Variants in KAZN observed in about 807,000 individuals in gnomAD.
KAZN encodes the protein kazrin.
A neutral mutation model predicts 87.4 loss-of-function variants in KAZN; 40 were observed. The observed-to-expected ratio is 0.46, with a 90% CI of 0.36 to 0.60. KAZN has a LOEUF of 0.60. KAZN is among the 20% of genes least tolerant of loss of function. The pLI, the probability that KAZN is intolerant of heterozygous loss-of-function variation, is 0.00. For synonymous variants in KAZN, 466 were observed against 458.3 expected (o/e 1.02, Z -0.22); for missense variants, 898 against 1,073.9 (o/e 0.84, Z 2.29).
At chr1:13,894,539 GTTAA>G (rs904620113) in intron 1 of KAZN, among the ~76,000 whole-genome samples, 2 of 152,144 alleles carry the variant, frequency 1.3e-5, no homozygotes, top group Non-Finnish European at 2.9e-5. Context: ...CTTTTTTGGC[GTTAA>G]TTCTCACTGG....
chr1:14,266,736 G>A (rs1313176187), intron 2 of KAZN, among the ~76,000 whole-genome samples: 4 of 152,184 alleles, frequency 2.6e-5, no homozygotes, highest in Non-Finnish European at 4.4e-5. Flanking sequence ...ACACTGGGAC[G>A]TAGACATGCC....
intron 1 of KAZN, among the ~76,000 whole-genome samples, chr1:14,944,855 A>G (rs1661551192): frequency 6.6e-6 from 1 of 152,194 alleles, no homozygotes; most frequent in South Asian, 2.1e-4. Flanking sequence ...CCTTCTGCGG[A>G]TGGCGGCACC....
chr1:14,906,572 T>G (rs1176454120), intron 1 of KAZN, among the ~76,000 whole-genome samples: 2 of 151,978 alleles, frequency 1.3e-5, no homozygotes, highest in Non-Finnish European at 2.9e-5. Context: ...AAAGAAAATG[T>G]GTAAAAGGGG....
intron 1 of KAZN, among the ~76,000 whole-genome samples, chr1:14,156,090 T>G (rs1249293536): frequency 6.6e-6 from 1 of 152,236 alleles, no homozygotes; most frequent in Non-Finnish European, 1.5e-5. Flanking sequence ...ATTTCTTCAT[T>G]GACACATTGG....
chr1:14,579,378 C>T (rs1030676633), intron 2 of KAZN, among the ~76,000 whole-genome samples: 2 of 152,140 alleles, frequency 1.3e-5, no homozygotes, highest in African/African-American at 2.4e-5. Context: ...GTAATCCCAG[C>T]ACTTTGGGAG....
chr1:14,478,359 C>G (rs1460674140), intron 2 of KAZN, among the ~76,000 whole-genome samples: 1 of 151,610 alleles, frequency 6.6e-6, no homozygotes, highest in Non-Finnish European at 1.5e-5. Flanking sequence ...AGTGAATACA[C>G]AGATGGAAGA....
rs147015100 is a variant in KAZN, at chr1:14,316,659, G to A, written c.249+136067G>A. Among the ~76,000 whole-genome samples, 459 of 151,730 alleles carry A rather than the reference G, an allele frequency of 3.0e-3. 20 individuals are homozygous for A. The East Asian group carries it at 0.071, about 23-fold the overall frequency. On this transcript the variant is annotated intron_variant, in intron 2 of 16. Transcript: ENST00000636203. ...CTTAGTCATTGATTTTAAGCTATTCGTTTTTCTTTTTATAGCATTTTTATA... is the reference window on the plus strand; with the variant it reads ...CTTAGTCATTGATTTTAAGCTATTCATTTTTCTTTTTATAGCATTTTTATA...
chr1:14,464,127 G>A lies in KAZN; in HGVS notation c.250-134856G>A, dbSNP rs182005385. On this transcript the variant is annotated intron_variant, in intron 2 of 16. Transcript: ENST00000636203. ...GGGATCTTTCAGAACATTAATCCAC[G>A]GTGGAACTTCGTGCAACACATGCTC... 4.6e-5 allele frequency among the ~76,000 whole-genome samples: 7 copies of A among 152,288 alleles called. 1 individual carries two copies. Among genetic ancestry groups the A allele is most frequent in the South Asian group, 2.1e-4 (1 of 4,822 alleles).
At chr1:14,250,528 A>G (rs1289701430) in intron 2 of KAZN, among the ~76,000 whole-genome samples, 2 of 152,128 alleles carry the variant, frequency 1.3e-5, no homozygotes, top group Non-Finnish European at 2.9e-5. Flanking sequence ...AAGGAAGGAA[A>G]AAGACAACTA....
chr1:14,595,354 G>A (rs143272068), upstream of KAZN, among the ~76,000 whole-genome samples: 724 of 152,138 alleles, frequency 4.8e-3, 11 homozygotes, highest in African/African-American at 0.016. Flanking sequence ...GGTCACCTCC[G>A]GAGGAGCGGT....
chr1:14,235,431 C>A (rs1434969406), intron 2 of KAZN, among the ~76,000 whole-genome samples: 1 of 152,080 alleles, frequency 6.6e-6, no homozygotes, highest in Non-Finnish European at 1.5e-5. Context: ...AGTCAGAAAG[C>A]AGATTAGTGG....
chr1:14,004,592 T>C (rs963435020), intron 1 of KAZN, among the ~76,000 whole-genome samples: 1 of 152,200 alleles, frequency 6.6e-6, no homozygotes, highest in Non-Finnish European at 1.5e-5. Context: ...GAGAATTTCC[T>C]AGGGAGTACT....
chr1:14,050,020 C>T (rs1642242213), intron 1 of KAZN, among the ~76,000 whole-genome samples: 1 of 152,134 alleles, frequency 6.6e-6, no homozygotes, highest in African/African-American at 2.4e-5. Context: ...CAACTGTGTG[C>T]ATGTGGGCAT....
At chr1:14,656,629 A>G (rs1638809521) in intron 1 of KAZN, among the ~76,000 whole-genome samples, 1 of 152,226 alleles carries the variant, frequency 6.6e-6, no homozygotes, top group Non-Finnish European at 1.5e-5. Context: ...CAGGAAACTT[A>G]CAGTCATGGC....
chr1:14,717,804 G>C (rs776675488), intron 1 of KAZN, among the ~76,000 whole-genome samples: 8 of 152,202 alleles, frequency 5.3e-5, no homozygotes, highest in Non-Finnish European at 8.8e-5. Context: ...GGACCTCACA[G>C]CTGGGCTTGG....
intron 1 of KAZN, among the ~76,000 whole-genome samples, chr1:14,791,970 G>T (rs575146744): frequency 6.6e-6 from 1 of 152,330 alleles, no homozygotes; most frequent in African/African-American, 2.4e-5. Flanking sequence ...GGTCAATGCT[G>T]CGGGGACTTC....
chr1:14,375,167 G>A (rs889600997), intron 2 of KAZN, among the ~76,000 whole-genome samples: 5 of 152,120 alleles, frequency 3.3e-5, no homozygotes, highest in African/African-American at 1.2e-4. Flanking sequence ...AAATAATAAT[G>A]AAAAAATTGT....
chr1:14,718,109 T>G (rs1316845007), intron 1 of KAZN, among the ~76,000 whole-genome samples: 1 of 152,188 alleles, frequency 6.6e-6, no homozygotes, highest in African/African-American at 2.4e-5. Context: ...AGAAGCAAAT[T>G]ACCCCCAGGG....
intron 2 of KAZN, among the ~76,000 whole-genome samples, chr1:14,439,321 A>G (rs1408178875): frequency 6.6e-6 from 1 of 152,058 alleles, no homozygotes; most frequent in Non-Finnish European, 1.5e-5. Context: ...TGCACTGAGC[A>G]CTTCTCACCA....
Sources: gnomAD v4.1 joint callset for allele counts (sites outside exome capture counted in the v4.1 genomes callset) on GRCh38, gnomAD v4.1.1 for gene constraint, MANE v1.5 for transcripts, NCBI Gene and HGNC (gene_info 2026-07-23, HGNC 2026-07-21) for gene names.